The following RFC1 variants were observed in gnomAD, a reference collection of about 807,000 sequenced individuals.
The protein encoded by RFC1 is replication factor C subunit 1.
Under a neutral mutation model 137.4 loss-of-function variants are expected in RFC1, and 37 were observed. The ratio of observed to expected loss-of-function variants is 0.27; its 90% CI spans 0.21 to 0.35. The LOEUF is 0.35. RFC1 is among the 10% of genes least tolerant of loss of function. RFC1 has a pLI of 1.00. For synonymous variants in RFC1, 429 were observed against 455.7 expected (o/e 0.94, Z 0.75); for missense variants, 1,205 against 1,358.5 (o/e 0.89, Z 1.78).
chr4:39,308,638 T>C lies in RFC1; in HGVS notation c.1883A>G (p.His628Arg), dbSNP rs746587538. 1 of 1,607,314 alleles carries C rather than the reference T, an allele frequency of 6.2e-7. No individual in the cohort carries two copies. Among genetic ancestry groups the C allele is most frequent in the South Asian group, 1.1e-5 (1 of 90,728 alleles). ...WQKSSSEDKK[H>R]AKFGKFSGKD... ...AATGAGTGAGGTTGTAAAATCACCG[T>C]GTTTTTTATCTTCGGAAGAACTCTT... The change falls in exon 13 of 25, where the codon CAC becomes CGC. Residue 628 changes from histidine to arginine, a missense_variant and splice_region_variant. Physicochemically the swap from His to Arg is conservative, Grantham distance 29. Around this residue, in one of 3 missense-constraint regions of RFC1, gnomAD observed 962 missense variants for 1,035.3 expected, o/e 0.93. Transcript: ENST00000349703.
chr4:39,290,329 C>T (rs945671957), intron 23 of RFC1, among the ~76,000 whole-genome samples: 9 of 150,460 alleles, frequency 6.0e-5, no homozygotes, highest in African/African-American at 2.0e-4. Context: ...GCTGAGATTG[C>T]GCCACTGCAC....
intron 1 of RFC1, among the ~76,000 whole-genome samples, chr4:39,354,749 C>CAAAAAAAA (rs34342477): frequency 2.0e-5 from 1 of 51,008 alleles, no homozygotes; most frequent in African/African-American, 7.6e-5. Flanking sequence ...GAAACTATCT[C>CAAAAAAAA]AAAAAAAAAA....
At chr4:39,304,672 A>G (rs41544213) in intron 15 of RFC1, 142 bp downstream of exon 15, 5 of 659,980 alleles carry the variant, frequency 7.6e-6, no homozygotes, top group Admixed American at 4.7e-5. Flanking sequence ...GAGTGATGTC[A>G]GACGGCTTTC....
At chr4:39,330,996 A>G (rs568538301) in intron 4 of RFC1, among the ~76,000 whole-genome samples, 42 of 152,254 alleles carry the variant, frequency 2.8e-4, no homozygotes, top group African/African-American at 1.0e-3. Flanking sequence ...AGGCTTTGCA[A>G]AAGGCTAGGT....
At position 39,295,715 on chromosome 4, in the gene RFC1, G is replaced by C; in HGVS notation, c.2853C>G (p.Tyr951Ter). Residue 951 changes from tyrosine to a stop codon, truncating the protein, a stop_gained, in exon 22 of 25, where the codon TAC (tyrosine) becomes TAG (stop). Coordinates refer to ENST00000349703, the MANE Select transcript of RFC1 (RefSeq NM_002913.5). LOFTEE classifies it high-confidence loss of function. ...TTGGGAAGGTGGGAAACTGGGTCATGTACCCCCTCATCAACTCTCCAGGAA... is the reference window on the plus strand; with the variant it reads ...TTGGGAAGGTGGGAAACTGGGTCATCTACCCCCTCATCAACTCTCCAGGAA... ...SVLPGELMRG[Y>*]MTQFPTFPSW... 6.2e-7 allele frequency: 1 copy of C among 1,613,488 alleles called. No homozygotes were observed.
intron 3 of RFC1, 113 bp downstream of exon 3, chr4:39,345,288 T>G: frequency 1.3e-6 from 1 of 798,580 alleles, no homozygotes; most frequent in Non-Finnish European, 1.9e-6. Flanking sequence ...GTGCTGCGAT[T>G]GCGATTACAG....
chr4:39,294,409 C>T, intron 22 of RFC1, among the ~76,000 whole-genome samples: 1 of 152,146 alleles, frequency 6.6e-6, no homozygotes, highest in East Asian at 1.9e-4. Flanking sequence ...GTGTGGCTCA[C>T]GCCTGTAATC....
At chr4:39,357,049 A>G (rs1741512861) in intron 1 of RFC1, among the ~76,000 whole-genome samples, 1 of 152,226 alleles carries the variant, frequency 6.6e-6, no homozygotes, top group African/African-American at 2.4e-5. Context: ...TGCTTGGGAT[A>G]AACAAAACAG....
chr4:39,289,541 T>C (rs1737551761), intron 24 of RFC1: 1 of 258,764 alleles, frequency 3.9e-6, no homozygotes, highest in Admixed American at 5.2e-5. Context: ...GAAGAAACTG[T>C]TTTGTTACAA....
chr4:39,307,797 T>C (rs1392018492), intron 13 of RFC1, among the ~76,000 whole-genome samples: 1 of 152,208 alleles, frequency 6.6e-6, no homozygotes, highest in Non-Finnish European at 1.5e-5. Flanking sequence ...AGGGAGATTT[T>C]ATGAAGTTTC....
chr4:39,308,897 T>C lies in RFC1; in HGVS notation c.1624A>G (p.Ile542Val). Reference protein sequence around the residue: ...TSKRDSLAKTIKKETDVFWKS... With the variant: ...TSKRDSLAKTVKKETDVFWKS... ...CAAAACACATCTGTTTCCTTTTTTA[T>C]TGTCTTTGCCAAACTGTCCCTTTTG... The change falls in exon 13 of 25, where the codon ATA becomes GTA. Residue 542 changes from isoleucine (I) to valine (V), a missense_variant. Ile to Val is a conservative substitution (Grantham distance 29). Transcript: ENST00000349703. 6.2e-7 allele frequency: 1 copy of C among 1,614,214 alleles called. No individual in the cohort carries two copies. Among genetic ancestry groups the C allele is most frequent in the Non-Finnish European group, 8.5e-7 (1 of 1,180,024 alleles).
chr4:39,306,797 A>C, intron 13 of RFC1, 96 bp from the exon 14 acceptor site: 1 of 716,734 alleles, frequency 1.4e-6, no homozygotes, highest in South Asian at 1.6e-5. Context: ...TCACATAGAC[A>C]GCTGTCCTCC....
Position 39,306,696 on chromosome 4 carries a change from A to C in RFC1, c.1891T>G (p.Phe631Val). Residue 631 changes from phenylalanine (F) to valine (V), a missense_variant, in exon 14 of 25, where the codon TTT becomes GTT. Transcript: ENST00000349703. ...TCATCTTTGCCGGAAAATTTACCAA[A>C]CTTTGCTGCTAGGAAAAAAGAAGTT... ...SSSEDKKHAK[F>V]GKFSGKDDGS... The C allele has an allele frequency of 6.2e-7, 1 of 1,607,768 alleles. No homozygotes were observed. Among genetic ancestry groups the C allele is most frequent in the Non-Finnish European group, 8.5e-7 (1 of 1,174,298 alleles).
chr4:39,291,501 A>T, intron 23 of RFC1, 138 bp downstream of exon 23: 1 of 645,010 alleles, frequency 1.6e-6, no homozygotes, highest in South Asian at 1.9e-5. Flanking sequence ...ATCTTTGGAA[A>T]ATATAGGCCA....
rs764517878 is a variant in RFC1 at position 39,323,378 on chromosome 4, T to A, written c.682A>T (p.Thr228Ser). Residue 228 changes from threonine to serine, a missense_variant, in exon 7 of 25, where the codon ACA (threonine) becomes TCA (serine). Transcript: ENST00000349703. ...QLHEDEEFARTLAMLDEEPKT... is the reference protein window; with the variant it reads ...QLHEDEEFARSLAMLDEEPKT... ...GGTTCTTCATCCAACATGGCTAATG[T>A]TCTGGCAAACTCTTCATCTTCATGC... The A allele has an allele frequency of 6.2e-7, 1 of 1,614,106 alleles. No individual in the cohort carries two copies. The highest frequency in any genetic ancestry group is 8.5e-7 in the Non-Finnish European group (1 of 1,179,986).
chr4:39,351,492 AG>A lies in RFC1; in HGVS notation c.4-17del. On this transcript the variant is annotated splice_polypyrimidine_tract_variant and intron_variant, in intron 1 of 24. Transcript: ENST00000349703. ...TCCGAATGTCCTAAAAGCAAAAAACAGGAGATTCACGAATAAACATTAACCG... is the reference window on the plus strand; with the variant it reads ...TCCGAATGTCCTAAAAGCAAAAAACAGAGATTCACGAATAAACATTAACCG... 6.5e-7 allele frequency: 1 copy of A among 1,530,262 alleles called. No homozygotes were observed. 94.8% of individuals were successfully genotyped at this position (1,530,262 alleles called of 1,614,324 possible). A position where few individuals can be genotyped will look rare whatever the true frequency, so the allele number is the denominator to read the frequency against.
At chr4:39,352,824 T>A (rs541956244) in intron 1 of RFC1, among the ~76,000 whole-genome samples, 1 of 152,210 alleles carries the variant, frequency 6.6e-6, no homozygotes, top group Non-Finnish European at 1.5e-5. Context: ...GAACCACCTG[T>A]ATCATTTTCC....
At chr4:39,318,075 T>G (rs966889431) in intron 9 of RFC1, 1 of 152,002 alleles carries the variant, frequency 6.6e-6, no homozygotes, top group African/African-American at 2.4e-5. Flanking sequence ...GAGAATGGCG[T>G]GAACCCAGGA....
intron 6 of RFC1, 60 bp downstream of exon 6, chr4:39,326,503 T>A: frequency 2.2e-6 from 3 of 1,372,514 alleles, no homozygotes; most frequent in Non-Finnish European, 3.1e-6. Context: ...AAAACCTGGC[T>A]GGACTAAATA....
Sources: allele counts gnomAD v4.1 joint callset (sites outside exome capture counted in the v4.1 genomes callset), GRCh38; gene constraint gnomAD v4.1.1; regional missense constraint gnomAD v4.1.1; transcripts MANE v1.5; gene names NCBI Gene and HGNC (gene_info 2026-07-23, HGNC 2026-07-21).